The following CFAP251 variants were observed in gnomAD, a reference collection of about 807,000 sequenced individuals.
CFAP251 encodes the protein cilia- and flagella-associated protein 251.
In CFAP251, 93 loss-of-function variants were observed where a neutral mutation model predicts 126.7. The ratio of observed to expected loss-of-function variants is 0.73; its 90% confidence interval spans 0.62 to 0.87. The LOEUF (loss-of-function observed/expected upper bound fraction) is 0.87, where lower values mean the gene tolerates loss of function less well. CFAP251 is among the 40% of genes least tolerant of loss of function. The probability of loss-of-function intolerance (pLI) is 0.00; values close to 1 mark genes in which losing one functional copy is unlikely to be tolerated. For missense variants in CFAP251, 1,287 were observed against 1,389.2 expected (o/e 0.93, Z 1.17); for synonymous variants, 503 against 506.9 (o/e 0.99, Z 0.10).
At chr12:121,973,111 C>A (rs983531969) in intron 17 of CFAP251, among the ~76,000 whole-genome samples, 1 of 152,218 alleles carries the variant, frequency 6.6e-6, no homozygotes, top group Non-Finnish European at 1.5e-5. Flanking sequence ...AGCCCAGGAT[C>A]CTCATGCTGT....
chr12:121,958,531 A>G lies in CFAP251; in HGVS notation c.1981+9A>G, dbSNP rs200523582. ...GACCTACAACCCCGAAGGTATTTTC[A>G]TCTTATCAGCCTACCATCGGTTCCA... On this transcript the variant is annotated intron_variant, in intron 12 of 21. Transcript: ENST00000288912. 270 of 1,614,094 alleles carry G rather than the reference A, an allele frequency of 1.7e-4. No homozygotes were observed. The highest frequency in any genetic ancestry group is 4.7e-4 in the Admixed American group (28 of 60,032).
chr12:121,923,637 A>G lies in CFAP251; in HGVS notation c.394A>G (p.Ser132Gly). 1 of 1,607,448 alleles carries G rather than the reference A, an allele frequency of 6.2e-7. No individual in the cohort carries two copies. Among genetic ancestry groups the G allele is most frequent in the Non-Finnish European group, 8.5e-7 (1 of 1,177,860 alleles). Residue 132 changes from serine (S) to glycine (G), a missense_variant, in exon 3 of 22, where the codon AGC (serine) becomes GGC (glycine). Coordinates refer to ENST00000288912, the MANE Select transcript of CFAP251 (RefSeq NM_144668.6). ...CTTTTTAAAGAAAACCCAAAGAGGTAGCAAGTCAAAGCTTTCCTTACAATT... is the reference window on the plus strand; with the variant it reads ...CTTTTTAAAGAAAACCCAAAGAGGTGGCAAGTCAAAGCTTTCCTTACAATT... ...SGIFPKTQRG[S>G]KSKLSLQLED...
rs1880523310 is a variant in CFAP251 at position 121,928,640 on chromosome 12, A to ATATATATATATATACGTATATATATACG, written c.748-3092_748-3091insCGTATATATATACGTATATATATATATA. 1.6e-3 allele frequency among the ~76,000 whole-genome samples: 25 copies of ATATATATATATATACGTATATATATACG among 16,096 alleles called. 1 individual carries two copies. The highest frequency in any genetic ancestry group is 2.2e-3 in the Non-Finnish European group (20 of 8,964). 10.6% of individuals were successfully genotyped at this position (16,096 alleles called of 152,430 possible). On this transcript the variant is annotated intron_variant, in intron 3 of 21. Transcript: ENST00000288912. ...TATGTATATGTGTATATATATACGT[A>ATATATATATATATACGTATATATATACG]TATATATATATATATACGTATATAT...
chr12:121,969,081 T>C, intron 17 of CFAP251: 1 of 985,212 alleles, frequency 1.0e-6, no homozygotes, highest in Non-Finnish European at 1.2e-6. Flanking sequence ...TAGTGTGACG[T>C]TGAGGAGCAA....
At chr12:121,995,266 C>G (rs1220742948) in intron 19 of CFAP251, among the ~76,000 whole-genome samples, 2 of 152,164 alleles carry the variant, frequency 1.3e-5, no homozygotes, top group East Asian at 3.8e-4. Flanking sequence ...TAGTAGCATT[C>G]CTATGTAGTA....
At chr12:121,980,496 G>A (rs997478450) in intron 19 of CFAP251, among the ~76,000 whole-genome samples, 3 of 150,586 alleles carry the variant, frequency 2.0e-5, no homozygotes, top group South Asian at 4.2e-4. Flanking sequence ...CTACAGGAGC[G>A]TGCCACCATG....
At position 121,989,822 on chromosome 12, in the gene CFAP251, G is replaced by A. The variant is rs543289114; in HGVS notation, c.3007-9894G>A. Among the ~76,000 whole-genome samples, 5 of 152,282 alleles carry A rather than the reference G, an allele frequency of 3.3e-5. No individual in the cohort carries two copies. The highest frequency in any genetic ancestry group is 6.8e-3 in the Middle Eastern group (2 of 294). On this transcript the variant is annotated intron_variant, in intron 19 of 21. Coordinates refer to ENST00000288912, the MANE Select transcript of CFAP251 (RefSeq NM_144668.6). This position sits in a 1 kb window ranked among gnomAD's most constrained non-coding sequence, Gnocchi z 4.2. ...CTTATAAAAACAAGGAATGGCCCCAGTTCAAATATATCGTGTTCCTCTCCA... is the reference window on the plus strand; with the variant it reads ...CTTATAAAAACAAGGAATGGCCCCAATTCAAATATATCGTGTTCCTCTCCA...
At chr12:121,955,767 G>A (rs531798834) in intron 10 of CFAP251, 96 of 152,310 alleles carry the variant, frequency 6.3e-4, no homozygotes, top group African/African-American at 2.2e-3. Flanking sequence ...TCAGTGGAGC[G>A]AGAAGATAGG....
chr12:121,999,800 C>A lies in CFAP251; in HGVS notation c.3091C>A (p.Leu1031Ile), dbSNP rs778567880. The change falls in exon 20 of 22, where the codon CTA becomes ATA. Residue 1031 changes from leucine to isoleucine, a missense_variant. Coordinates refer to ENST00000288912, the MANE Select transcript of CFAP251 (RefSeq NM_144668.6). ...LIDKINLPDF[L>I]KVYLNHKPPF... ...CGACAAGATCAACTTACCAGATTTC[C>A]TAAAAGTGTACCTTAACCACAAGCC... is the stretch of plus-strand genomic sequence containing the variant. 3 of 1,614,074 alleles carry A rather than the reference C, an allele frequency of 1.9e-6. No homozygotes were observed. The South Asian group carries it at 3.3e-5, about 18-fold the overall frequency.
At chr12:121,933,742 C>G (rs1168359959) in intron 4 of CFAP251, 1 of 152,556 alleles carries the variant, frequency 6.6e-6, no homozygotes, top group African/African-American at 2.4e-5. Context: ...TTGCTTGAGC[C>G]CAGGAGATCG....
intron 3 of CFAP251, among the ~76,000 whole-genome samples, chr12:121,927,043 C>G (rs1455218728): frequency 1.3e-5 from 2 of 152,166 alleles, no homozygotes; most frequent in Non-Finnish European, 2.9e-5. Flanking sequence ...ACACACACCC[C>G]CACCCAATCT....
At chr12:121,952,468 T>G (rs568133426) in intron 9 of CFAP251, among the ~76,000 whole-genome samples, 2 of 151,084 alleles carry the variant, frequency 1.3e-5, no homozygotes, top group Non-Finnish European at 2.9e-5. Flanking sequence ...TCGTTGAACA[T>G]GAGTGGATCC....
chr12:121,940,590 G>C (rs1335486581), intron 5 of CFAP251, among the ~76,000 whole-genome samples: 1 of 152,138 alleles, frequency 6.6e-6, no homozygotes, highest in Non-Finnish European at 1.5e-5. Context: ...TTTAAGTCTT[G>C]CTACCACCTA....
intron 10 of CFAP251, chr12:121,955,682 C>G (rs1020285650): frequency 6.6e-6 from 1 of 152,126 alleles, no homozygotes; most frequent in African/African-American, 2.4e-5. Flanking sequence ...CTTCCATTCG[C>G]CTTTCTTTCG....
chr12:121,982,471 C>T (rs770464050), intron 19 of CFAP251, among the ~76,000 whole-genome samples: 2 of 151,890 alleles, frequency 1.3e-5, no homozygotes, highest in East Asian at 1.9e-4. Context: ...CTCCACCTCT[C>T]GGGTTCAAGC....
chr12:121,996,246 G>C (rs1883019562), intron 19 of CFAP251, among the ~76,000 whole-genome samples: 1 of 152,178 alleles, frequency 6.6e-6, no homozygotes, highest in Admixed American at 6.5e-5. Flanking sequence ...AGGGAGGAGA[G>C]GAAGCAAATT....
At chr12:121,962,674 G>T (rs140700724) in intron 15 of CFAP251, among the ~76,000 whole-genome samples, 66 of 148,986 alleles carry the variant, frequency 4.4e-4, no homozygotes, top group African/African-American at 1.5e-3. Context: ...TAGTAGGTAT[G>T]TGGTAATCAG....
intron 4 of CFAP251, chr12:121,933,131 A>G (rs1880756902): frequency 6.6e-6 from 1 of 152,294 alleles, no homozygotes; most frequent in Non-Finnish European, 1.5e-5. Flanking sequence ...ATGTTAAACA[A>G]GTGAACACAT....
At chr12:121,948,053 A>G (rs944306170) in intron 7 of CFAP251, 11 of 151,684 alleles carry the variant, frequency 7.3e-5, no homozygotes, top group Non-Finnish European at 1.3e-4. Flanking sequence ...GTAGCCACCC[A>G]CCTCCCATGC....
Sources: allele counts gnomAD v4.1 joint callset (sites outside exome capture counted in the v4.1 genomes callset), GRCh38; gene constraint gnomAD v4.1.1; non-coding constraint Gnocchi (gnomAD v3.1); transcripts MANE v1.5; gene names NCBI Gene and HGNC (gene_info 2026-07-23, HGNC 2026-07-21).